Variants in ABAT observed in about 807,000 individuals in gnomAD.
The protein encoded by ABAT is 4-aminobutyrate aminotransferase, mitochondrial.
Under a neutral mutation model 64.6 loss-of-function variants are expected in ABAT, and 45 were observed. The observed-to-expected ratio is 0.70, with a 90% CI of 0.55 to 0.89. The LOEUF (loss-of-function observed/expected upper bound fraction) is 0.89, where lower values mean the gene tolerates loss of function less well. Among genes scored for constraint, ABAT ranks in the 40% least tolerant of loss-of-function variants. The pLI is 0.00. For missense variants in ABAT, 633 were observed against 658.4 expected, an observed-to-expected ratio of 0.96 and a Z score of 0.42; for synonymous variants, 297 against 250.5, an observed-to-expected ratio of 1.19 and a Z score of -1.75.
intron 2 of ABAT, chr16:8,736,307 C>G (rs1006902892): frequency 1.7e-5 from 3 of 181,760 alleles, no homozygotes; most frequent in African/African-American, 7.1e-5. Context: ...ACCACATCAC[C>G]CACTATCCAT....
At chr16:8,680,317 T>C (rs59395156) in intron 1 of ABAT, among the ~76,000 whole-genome samples, 132 of 152,342 alleles carry the variant, frequency 8.7e-4, no homozygotes, top group African/African-American at 3.2e-3. Flanking sequence ...CACTTCCCTA[T>C]GCACACAGTA....
chr16:8,758,222 G>A (rs553102035), intron 6 of ABAT, among the ~76,000 whole-genome samples: 3 of 152,298 alleles, frequency 2.0e-5, no homozygotes, highest in African/African-American at 7.2e-5. Flanking sequence ...CAGAAACTGA[G>A]GCACAGAGTG....
chr16:8,764,259 T>C lies in ABAT; in HGVS notation c.447+110T>C. ...TAAGGTGTTGCTACAGAAATCTTTC[T>C]CTCTGAGCTTATTCTTCCATGCAGA... On this transcript the variant is annotated intron_variant, in intron 7 of 15. Transcript: ENST00000268251. The surrounding 1 kb of genome is among the most constrained non-coding windows in gnomAD (Gnocchi z 4.2). 1 of 956,592 alleles carries C rather than the reference T, an allele frequency of 1.0e-6. No homozygotes were observed. Among genetic ancestry groups the C allele is most frequent in the Non-Finnish European group, 1.7e-6 (1 of 603,536 alleles). 59.3% of individuals were successfully genotyped at this position (956,592 alleles called of 1,614,324 possible).
At chr16:8,688,937 G>A (rs564507682) in intron 1 of ABAT, among the ~76,000 whole-genome samples, 17 of 152,162 alleles carry the variant, frequency 1.1e-4, no homozygotes, top group Admixed American at 4.6e-4. Flanking sequence ...AAAATTAGCC[G>A]GGCGTGGTGG....
chr16:8,780,187 C>T (rs958231509), intron 15 of ABAT, among the ~76,000 whole-genome samples: 3 of 151,710 alleles, frequency 2.0e-5, no homozygotes, highest in East Asian at 1.9e-4. Flanking sequence ...TGAAGGCGAA[C>T]GGTTGGGAGG....
rs1055183169 is a variant in ABAT, at chr16:8,748,936, G to T, written c.198+799G>T. The stretch of plus-strand genomic sequence containing the variant: ...TAAAGTGTCTCCTGTAAACAGCATC[G>T]AGTTGGTTCTTTTTATCCAGTCTGA... On this transcript the variant is annotated intron_variant, in intron 4 of 15. Coordinates refer to ENST00000268251, the MANE Select transcript of ABAT (RefSeq NM_020686.6). Among the ~76,000 whole-genome samples, 61 of 152,036 alleles carry T rather than the reference G, an allele frequency of 4.0e-4. 1 individual carries two copies. The highest frequency in any genetic ancestry group is 1.4e-3 in the African/African-American group (57 of 41,402).
chr16:8,757,248 A>C (rs1465397272), intron 5 of ABAT: 6 of 437,046 alleles, frequency 1.4e-5, no homozygotes, highest in African/African-American at 1.0e-4. Flanking sequence ...ACTCAATGCA[A>C]CCTCCGCCTC....
At chr16:8,772,948 C>T in intron 12 of ABAT, 31 bp downstream of exon 12, 1 of 1,612,202 alleles carries the variant, frequency 6.2e-7, no homozygotes, top group Non-Finnish European at 8.5e-7. Flanking sequence ...TTGGATGGAG[C>T]CATTGGGTTT....
Position 8,783,276 on chromosome 16 carries a change from A to G in ABAT, c.*1846A>G, listed in dbSNP as rs1287881974. 6.6e-6 allele frequency: 1 copy of G among 152,134 alleles called. No individual in the cohort carries two copies. The highest frequency in any genetic ancestry group is 2.4e-5 in the African/African-American group (1 of 41,434). The allele number at this position is 152,134 out of a possible 1,614,324, so 9.4% of individuals were successfully genotyped here. A position where few individuals can be genotyped will look rare whatever the true frequency, so the allele number is the denominator to read the frequency against. ...AGCATCGGGAATACAAAGATGAGAT[A>G]AAACATTGTCCCTGCCCCCGGGGGC... On this transcript the variant is annotated 3_prime_UTR_variant, in exon 16 of 16. Transcript: ENST00000268251.
chr16:8,768,309 C>T (rs1028918962), intron 10 of ABAT, 53 bp downstream of exon 10: 199 of 1,569,732 alleles, frequency 1.3e-4, no homozygotes, highest in Non-Finnish European at 1.6e-4. Flanking sequence ...GTAATAATAA[C>T]GGCAACAATA....
intron 1 of ABAT, among the ~76,000 whole-genome samples, chr16:8,716,449 G>C (rs917209738): frequency 1.2e-4 from 18 of 152,148 alleles, no homozygotes; most frequent in Non-Finnish European, 1.5e-5. Flanking sequence ...TGCTGCAGTC[G>C]TGATCCCAGC....
Position 8,775,157 on chromosome 16 carries a change from C to G in ABAT, c.1122+100C>G, listed in dbSNP as rs1374313543. ...TCACCATCGAGGAGCTGGGTGGGCA[C>G]TTACTGGGTCGCAGGTTTTCTAAGT... On this transcript the variant is annotated intron_variant, in intron 13 of 15. Coordinates refer to ENST00000268251, the MANE Select transcript of ABAT (RefSeq NM_020686.6). 4 of 1,508,970 alleles carry G rather than the reference C, an allele frequency of 2.7e-6. No individual in the cohort carries two copies. The Admixed American group carries it at 7.1e-5, about 27-fold the overall frequency. 93.5% of individuals were successfully genotyped at this position (1,508,970 alleles called of 1,614,324 possible).
chr16:8,741,382 A>C (rs2059158133), intron 2 of ABAT, among the ~76,000 whole-genome samples: 1 of 152,280 alleles, frequency 6.6e-6, no homozygotes, highest in Non-Finnish European at 1.5e-5. Context: ...TCTAGGAAAC[A>C]GGTCAGATGG....
chr16:8,740,410 G>A (rs578213451), intron 2 of ABAT, among the ~76,000 whole-genome samples: 3 of 152,162 alleles, frequency 2.0e-5, no homozygotes, highest in African/African-American at 4.8e-5. Flanking sequence ...GCGGTTGGAC[G>A]ATCTACTGGC....
chr16:8,686,548 C>A (rs777785013), intron 1 of ABAT, among the ~76,000 whole-genome samples: 2 of 152,164 alleles, frequency 1.3e-5, no homozygotes, highest in Non-Finnish European at 2.9e-5. Flanking sequence ...TAGTTGCTCA[C>A]CTTGTCGCTC....
At chr16:8,701,330 T>C (rs1411413398) in intron 1 of ABAT, among the ~76,000 whole-genome samples, 1 of 151,666 alleles carries the variant, frequency 6.6e-6, no homozygotes, top group East Asian at 1.9e-4. Context: ...AAATCTGCAG[T>C]GAATAACGTG....
chr16:8,704,753 A>G (rs1204163228), intron 1 of ABAT, among the ~76,000 whole-genome samples: 1 of 152,202 alleles, frequency 6.6e-6, no homozygotes, highest in Non-Finnish European at 1.5e-5. Context: ...AGTTAATGTC[A>G]TATAATCAAG....
intron 1 of ABAT, among the ~76,000 whole-genome samples, chr16:8,725,198 G>C (rs1370013850): frequency 6.6e-6 from 1 of 152,238 alleles, no homozygotes; most frequent in African/African-American, 2.4e-5. Flanking sequence ...TTATAGGCGT[G>C]AGCCAGCGCG....
In ABAT at chr16:8,776,565, C is replaced by CT; in HGVS notation, c.1269+77dup. The CT allele has an allele frequency of 6.9e-7, 1 of 1,442,188 alleles. No homozygotes were observed. The highest frequency in any genetic ancestry group is 9.5e-7 in the Non-Finnish European group (1 of 1,054,170). 89.3% of individuals were successfully genotyped at this position (1,442,188 alleles called of 1,614,324 possible). A position where few individuals can be genotyped will look rare whatever the true frequency, so the allele number is the denominator to read the frequency against. On this transcript the variant is annotated intron_variant, in intron 14 of 15. Coordinates refer to ENST00000268251, the MANE Select transcript of ABAT (RefSeq NM_020686.6). The surrounding 1 kb of genome is among the most constrained non-coding windows in gnomAD (Gnocchi z 4.4). Reference sequence around the variant, plus strand: ...CAGCCTCCGGGGCAACACTGGAGCTCTTCGGCATGGTGTTGTGCCTGCTGT... The same window carrying CT: ...CAGCCTCCGGGGCAACACTGGAGCTCTTTCGGCATGGTGTTGTGCCTGCTGT...
Sources: allele counts gnomAD v4.1 joint callset (sites outside exome capture counted in the v4.1 genomes callset), GRCh38; gene constraint gnomAD v4.1.1; non-coding constraint Gnocchi (gnomAD v3.1); transcripts MANE v1.5; gene names NCBI Gene and HGNC (gene_info 2026-07-23, HGNC 2026-07-21).